The following TMIGD3 variants were observed in gnomAD, a reference collection of about 807,000 sequenced individuals.
TMIGD3 encodes transmembrane and immunoglobulin domain containing 3.
TMIGD3 carries 21 observed loss-of-function variants against 28.1 expected under a neutral mutation model. The observed-to-expected ratio is 0.75, with a 90% CI of 0.53 to 1.08. The LOEUF (loss-of-function observed/expected upper bound fraction) is 1.08, where lower values mean the gene tolerates loss of function less well. TMIGD3 is among the 50% of genes least tolerant of loss of function. The pLI is 0.00. For missense variants in TMIGD3, 416 were observed against 435.6 expected, an observed-to-expected ratio of 0.96 and a Z score of 0.40; for synonymous variants, 151 against 162.1, an observed-to-expected ratio of 0.93 and a Z score of 0.52.
chr1:111,499,802 G>A (rs2100976105), intron 1 of TMIGD3: 1 of 1,480,428 alleles, frequency 6.8e-7, no homozygotes, highest in East Asian at 2.3e-5. Flanking sequence ...GAGTGGGGGA[G>A]ATATAATTGG....
intron 1 of TMIGD3, among the ~76,000 whole-genome samples, chr1:111,498,737 T>C (rs1245925369): frequency 6.6e-6 from 1 of 152,178 alleles, no homozygotes; most frequent in African/African-American, 2.4e-5. Context: ...GGTACCTACC[T>C]CACAGATTGT....
chr1:111,522,626 C>T (rs765188481), intron 1 of TMIGD3, among the ~76,000 whole-genome samples: 18 of 151,686 alleles, frequency 1.2e-4, no homozygotes, highest in Non-Finnish European at 2.5e-4. Context: ...AAGCAGTTCT[C>T]CTCCCTCAGC....
At chr1:111,557,750 A>G (rs1447827960) in intron 1 of TMIGD3, among the ~76,000 whole-genome samples, 1 of 152,186 alleles carries the variant, frequency 6.6e-6, no homozygotes, top group Non-Finnish European at 1.5e-5. Context: ...AGAAATCTAA[A>G]AACAATTGAT....
At chr1:111,515,703 C>A (rs1655838728) in intron 1 of TMIGD3, among the ~76,000 whole-genome samples, 1 of 152,158 alleles carries the variant, frequency 6.6e-6, no homozygotes, top group Non-Finnish European at 1.5e-5. Flanking sequence ...GCCCCGACAA[C>A]CCCCCAGAAG....
At chr1:111,540,184 C>T (rs946915924) in intron 1 of TMIGD3, among the ~76,000 whole-genome samples, 5 of 152,228 alleles carry the variant, frequency 3.3e-5, no homozygotes, top group African/African-American at 9.6e-5. Context: ...TGCTCTTCCT[C>T]ATATGTTTCT....
At chr1:111,526,992 A>G (rs1656287040) in intron 1 of TMIGD3, among the ~76,000 whole-genome samples, 1 of 139,138 alleles carries the variant, frequency 7.2e-6, no homozygotes, top group East Asian at 2.2e-4. Flanking sequence ...TATACATTTA[A>G]GTTTCCTCAA....
intron 1 of TMIGD3, chr1:111,501,270 C>A (rs1289501131): frequency 2.0e-5 from 3 of 152,346 alleles, no homozygotes; most frequent in African/African-American, 4.8e-5. Flanking sequence ...AATGAAGTTA[C>A]AAAATTGTAT....
At chr1:111,556,040 C>A (rs190596162) in intron 1 of TMIGD3, among the ~76,000 whole-genome samples, 1 of 152,072 alleles carries the variant, frequency 6.6e-6, no homozygotes, top group Admixed American at 6.5e-5. Flanking sequence ...ATATATAAAA[C>A]GCACAAGAAA....
intron 1 of TMIGD3, among the ~76,000 whole-genome samples, chr1:111,539,977 G>A (rs1447363368): frequency 2.0e-5 from 3 of 152,134 alleles, no homozygotes; most frequent in African/African-American, 7.2e-5. Context: ...AGAAATCTAG[G>A]TACCTAGCTT....
At chr1:111,491,423 C>T (rs1309704159) in intron 1 of TMIGD3, among the ~76,000 whole-genome samples, 1 of 152,230 alleles carries the variant, frequency 6.6e-6, no homozygotes, top group African/African-American at 2.4e-5. Context: ...TGTGCTCTGA[C>T]CACTGGCTTT....
At chr1:111,487,193 G>T (rs1228483684) in intron 3 of TMIGD3, among the ~76,000 whole-genome samples, 1 of 152,196 alleles carries the variant, frequency 6.6e-6, no homozygotes, top group Non-Finnish European at 1.5e-5. Context: ...TTAAACTAAG[G>T]AGTACGTTCA....
chr1:111,484,228 G>A (rs1654251564), intron 5 of TMIGD3, among the ~76,000 whole-genome samples: 1 of 152,184 alleles, frequency 6.6e-6, no homozygotes, highest in Admixed American at 6.5e-5. Flanking sequence ...GTGATAGTTT[G>A]TCTTCCTCCC....
intron 1 of TMIGD3, among the ~76,000 whole-genome samples, chr1:111,492,005 G>T (rs1343334893): frequency 6.6e-6 from 1 of 152,200 alleles, no homozygotes; most frequent in African/African-American, 2.4e-5. Context: ...GATGGCATGT[G>T]ATTTCAGAGG....
exon 1 of TMIGD3, chr1:111,563,897 G>C: frequency 6.2e-7 from 1 of 1,613,804 alleles, no homozygotes; most frequent in Non-Finnish European, 8.5e-7. Flanking sequence ...CTCTTCCCAG[G>C]AGCTTTCCCA....
chr1:111,505,370 C>T (rs1408176530), upstream of TMIGD3, among the ~76,000 whole-genome samples: 2 of 152,284 alleles, frequency 1.3e-5, no homozygotes, highest in East Asian at 3.9e-4. Context: ...AGGAGACACA[C>T]TTAGGGTCAC....
At chr1:111,487,997 C>A (rs1654466415) in intron 3 of TMIGD3, among the ~76,000 whole-genome samples, 2 of 151,930 alleles carry the variant, frequency 1.3e-5, no homozygotes, top group Admixed American at 6.6e-5. Context: ...TAGGGATGGG[C>A]TTTCTCCATG....
intron 1 of TMIGD3, among the ~76,000 whole-genome samples, chr1:111,558,894 C>G (rs1041605058): frequency 6.6e-6 from 1 of 152,014 alleles, no homozygotes; most frequent in Non-Finnish European, 1.5e-5. Context: ...TAAGTTTGAT[C>G]CAACTGATTA....
At chr1:111,504,766 G>C (rs192546651), upstream of TMIGD3, 220 of 692,410 alleles carry the variant, frequency 3.2e-4, no homozygotes, top group African/African-American at 3.9e-3. Flanking sequence ...GGCTCATCAG[G>C]GTCCTCTTGT....
chr1:111,539,064 C>A (rs751676843), intron 1 of TMIGD3, among the ~76,000 whole-genome samples: 20 of 152,146 alleles, frequency 1.3e-4, no homozygotes, highest in African/African-American at 2.4e-4. Flanking sequence ...TTGGAGACAC[C>A]TAGGTTTATT....
Sources: allele counts gnomAD v4.1 joint callset (sites outside exome capture counted in the v4.1 genomes callset), GRCh38; gene constraint gnomAD v4.1.1; transcripts MANE v1.5; gene names NCBI Gene and HGNC (gene_info 2026-07-23, HGNC 2026-07-21).